Variants in LRRC37A2 observed in about 807,000 individuals in gnomAD.
LRRC37A2 encodes leucine-rich repeat-containing protein 37A2.
A neutral mutation model predicts 68.8 loss-of-function variants in LRRC37A2; 9 were observed. That is an observed-to-expected ratio of 0.13 (90% CI 0.08 to 0.23). The LOEUF (loss-of-function observed/expected upper bound fraction) is 0.23. Ranked by LOEUF, LRRC37A2 falls within the 10% of genes least tolerant of loss-of-function variation. LRRC37A2 has a pLI of 1.00. For synonymous variants in LRRC37A2, 63 were observed against 367.6 expected, an observed-to-expected ratio of 0.17 and a Z score of 9.48; for missense variants, 168 against 950.4, an observed-to-expected ratio of 0.18 and a Z score of 10.82.
the LRRC37A2 span, among the ~76,000 whole-genome samples, chr17:46,986,016 A>C: frequency 6.6e-6 from 1 of 152,190 alleles, no homozygotes; most frequent in Non-Finnish European, 1.5e-5. Flanking sequence ...TGCTCTTTGG[A>C]TAAATAGTTC....
At chr17:46,899,378 C>G in the LRRC37A2 span, among the ~76,000 whole-genome samples, 1 of 152,020 alleles carries the variant, frequency 6.6e-6, no homozygotes, top group African/African-American at 2.4e-5. Flanking sequence ...GCACTCCAGC[C>G]GGGGTGACAG....
chr17:46,923,091 G>A, the LRRC37A2 span: 2 of 818,140 alleles, frequency 2.4e-6, no homozygotes, highest in South Asian at 1.4e-5. Context: ...GCCGGCAGGG[G>A]AGGGAGGGTC....
the LRRC37A2 span, among the ~76,000 whole-genome samples, chr17:46,906,442 C>T: frequency 1.3e-5 from 2 of 152,160 alleles, no homozygotes. Flanking sequence ...ATTTAAGAGA[C>T]ATGATCTTGC....
At chr17:46,734,716 T>A in the LRRC37A2 span, among the ~76,000 whole-genome samples, 1 of 152,116 alleles carries the variant, frequency 6.6e-6, no homozygotes, top group East Asian at 1.9e-4. Context: ...TTAAAGAACA[T>A]ATATATATAG....
the LRRC37A2 span, among the ~76,000 whole-genome samples, chr17:46,889,844 G>A: frequency 2.0e-5 from 3 of 152,116 alleles, no homozygotes; most frequent in South Asian, 4.1e-4. Flanking sequence ...ATTCTTTATC[G>A]ATGGACCTCT....
At chr17:46,982,236 T>C in the LRRC37A2 span, among the ~76,000 whole-genome samples, 1 of 152,220 alleles carries the variant, frequency 6.6e-6, no homozygotes, top group South Asian at 2.1e-4. Flanking sequence ...TGGATTTCTG[T>C]AGAGAAATGC....
chr17:46,876,107 G>A, the LRRC37A2 span: 4 of 781,522 alleles, frequency 5.1e-6, no homozygotes, highest in South Asian at 1.9e-5. Flanking sequence ...TCCAGGCCAA[G>A]GGGAGGAGCT....
At chr17:46,884,641 C>T in the LRRC37A2 span, among the ~76,000 whole-genome samples, 1 of 152,192 alleles carries the variant, frequency 6.6e-6, no homozygotes, top group Admixed American at 6.5e-5. Flanking sequence ...CTGCAGAGTG[C>T]CTCTCGTGTG....
chr17:46,662,092 C>T, the LRRC37A2 span, among the ~76,000 whole-genome samples: 8 of 90,272 alleles, frequency 8.9e-5, no homozygotes, highest in East Asian at 2.7e-4. Flanking sequence ...ATCCACCCGC[C>T]TCGGCCTCCC....
chr17:46,982,561 CTG>C, the LRRC37A2 span, among the ~76,000 whole-genome samples: 3 of 152,344 alleles, frequency 2.0e-5, no homozygotes, highest in Admixed American at 2.0e-4. Flanking sequence ...GCGGCACTGA[CTG>C]TTTAATTGAC....
the LRRC37A2 span, among the ~76,000 whole-genome samples, chr17:47,026,905 C>CTTTG: frequency 0.49 from 73,318 of 150,248 alleles, 17,986 homozygotes; most frequent in East Asian, 0.73. Context: ...AAATGTGAGA[C>CTTTG]TTTGTTTGTT....
the LRRC37A2 span, among the ~76,000 whole-genome samples, chr17:46,879,731 A>G: frequency 6.6e-6 from 1 of 152,208 alleles, no homozygotes; most frequent in Non-Finnish European, 1.5e-5. Flanking sequence ...TGAGCCCAGG[A>G]GCCCCAAAGC....
the LRRC37A2 span, among the ~76,000 whole-genome samples, chr17:46,950,279 G>A: frequency 6.6e-6 from 1 of 152,228 alleles, no homozygotes; most frequent in Non-Finnish European, 1.5e-5. Context: ...GGTCCCCAGA[G>A]AGTGTGGACT....
At chr17:46,712,741 C>T in the LRRC37A2 span, among the ~76,000 whole-genome samples, 1 of 152,052 alleles carries the variant, frequency 6.6e-6, no homozygotes, top group Non-Finnish European at 1.5e-5. Flanking sequence ...TAGAACTTGT[C>T]TCTGAAGCAT....
chr17:47,034,439 TC>T, the LRRC37A2 span, among the ~76,000 whole-genome samples: 3 of 151,994 alleles, frequency 2.0e-5, no homozygotes, highest in Non-Finnish European at 4.4e-5. Flanking sequence ...GAGAAGAGCT[TC>T]CTAGTTCAGA....
chr17:46,869,546 G>A, the LRRC37A2 span, among the ~76,000 whole-genome samples: 1 of 152,242 alleles, frequency 6.6e-6, no homozygotes, highest in African/African-American at 2.4e-5. Context: ...CCAGATGCCT[G>A]TTGAATGAGT....
the LRRC37A2 span, among the ~76,000 whole-genome samples, chr17:46,816,145 G>A: frequency 2.3e-3 from 287 of 124,532 alleles, no homozygotes; most frequent in African/African-American, 8.5e-3. Context: ...ACACACGCAC[G>A]CACGCACACA....
chr17:47,033,244 A>G, the LRRC37A2 span: 207 of 624,716 alleles, frequency 3.3e-4, no homozygotes, highest in African/African-American at 3.3e-3. Context: ...AAAAAAAAAA[A>G]AAAAAAGAAA....
chr17:46,841,816 C>T, the LRRC37A2 span, among the ~76,000 whole-genome samples: 2 of 152,256 alleles, frequency 1.3e-5, no homozygotes, highest in African/African-American at 2.4e-5. Flanking sequence ...CCACGTCCTC[C>T]TCTGAGCTCC....
Sources: gnomAD v4.1 joint callset for allele counts (sites outside exome capture counted in the v4.1 genomes callset) on GRCh38, gnomAD v4.1.1 for gene constraint, MANE v1.5 for transcripts, NCBI Gene and HGNC (gene_info 2026-07-23, HGNC 2026-07-21) for gene names.